Variants in NCAM2 observed in about 807,000 individuals in gnomAD.
NCAM2 encodes neural cell adhesion molecule 2, also known as N-CAM-2.
NCAM2 carries 30 observed loss-of-function variants against 98.1 expected under a neutral mutation model. The ratio of observed to expected loss-of-function variants is 0.31; its 90% CI spans 0.23 to 0.41. The LOEUF is 0.41. Ranked by LOEUF, NCAM2 falls within the 10% of genes least tolerant of loss-of-function variation. The pLI, the probability that NCAM2 is intolerant of heterozygous loss-of-function variation, is 1.00. For missense variants in NCAM2, 867 were observed against 1,005.8 expected (o/e 0.86, Z 1.87); for synonymous variants, 368 against 342.4 (o/e 1.07, Z -0.83).
rs576937382 is a variant in NCAM2 at position 21,494,969 on chromosome 21, T to G, written c.2078-13882T>G. Among the ~76,000 whole-genome samples the G allele has an allele frequency of 3.3e-5, 5 of 151,588 alleles. No individual in the cohort carries two copies. In the South Asian group the frequency reaches 8.3e-4, roughly 25 times the overall value. On this transcript the variant is annotated intron_variant, in intron 15 of 17. Transcript: ENST00000400546. ...TTTCTTATGTTAAAATCAGTTACTTTAAAGGATAACAAGAATTTGACAAGT... is the reference window on the plus strand; with the variant it reads ...TTTCTTATGTTAAAATCAGTTACTTGAAAGGATAACAAGAATTTGACAAGT...
chr21:21,188,793 G>A (rs751637323), intron 1 of NCAM2, among the ~76,000 whole-genome samples: 48 of 152,278 alleles, frequency 3.2e-4, no homozygotes, highest in Admixed American at 1.2e-3. Flanking sequence ...GACTGGTTCC[G>A]TCCATTTAAG....
chr21:21,260,935 A>T (rs2071872998), intron 1 of NCAM2, among the ~76,000 whole-genome samples: 1 of 151,424 alleles, frequency 6.6e-6, no homozygotes. Flanking sequence ...AAAAATACTC[A>T]ACCACCATCT....
intron 1 of NCAM2, among the ~76,000 whole-genome samples, chr21:21,100,471 A>G (rs914564193): frequency 6.6e-6 from 1 of 152,006 alleles, no homozygotes; most frequent in Admixed American, 6.6e-5. Flanking sequence ...TGGTTGCCCC[A>G]GAAAACATGA....
At chr21:21,198,685 G>A (rs1034362098) in intron 1 of NCAM2, among the ~76,000 whole-genome samples, 2 of 152,094 alleles carry the variant, frequency 1.3e-5, no homozygotes, top group African/African-American at 2.4e-5. Context: ...AACAGACATC[G>A]TGTGTTCTTT....
chr21:21,055,470 A>G (rs2065192317), intron 1 of NCAM2, among the ~76,000 whole-genome samples: 2 of 152,120 alleles, frequency 1.3e-5, no homozygotes, highest in Non-Finnish European at 2.9e-5. Context: ...ATGTATTAAT[A>G]GGAGACTTTT....
At chr21:21,496,940 C>G (rs1042330884) in intron 15 of NCAM2, among the ~76,000 whole-genome samples, 1 of 151,376 alleles carries the variant, frequency 6.6e-6, no homozygotes, top group African/African-American at 2.4e-5. Context: ...GTTTTCTGTT[C>G]TGTCTAAGAG....
rs376582483 is a variant in NCAM2 at position 21,369,806 on chromosome 21, C to G, written c.1045-4057C>G. Reference sequence around the variant, plus strand: ...CTCTTTCATATCTTACCCCTTCAACCTCATATTTAATTTGATAGTTCCAGT... The same window carrying G: ...CTCTTTCATATCTTACCCCTTCAACGTCATATTTAATTTGATAGTTCCAGT... On this transcript the variant is annotated intron_variant, in intron 8 of 17. Transcript: ENST00000400546. Among the ~76,000 whole-genome samples, 88 of 151,750 alleles carry G rather than the reference C, an allele frequency of 5.8e-4. 1 individual carries two copies. In the South Asian group the frequency reaches 0.018, roughly 30 times the overall value.
At chr21:21,052,150 ATTTTTTT>A (rs5842877) in intron 1 of NCAM2, among the ~76,000 whole-genome samples, 27 of 74,806 alleles carry the variant, frequency 3.6e-4, no homozygotes, top group Admixed American at 1.1e-3. Flanking sequence ...CATGATGGCC[ATTTTTTT>A]TTTTTTTTTT....
At chr21:21,396,774 G>A (rs375959591) in intron 9 of NCAM2, among the ~76,000 whole-genome samples, 3 of 152,170 alleles carry the variant, frequency 2.0e-5, no homozygotes, top group Non-Finnish European at 2.9e-5. Context: ...GTGCCCGAAA[G>A]CTCAGAGACT....
intron 1 of NCAM2, among the ~76,000 whole-genome samples, chr21:21,170,878 ACT>A (rs1201029453): frequency 1.3e-5 from 2 of 151,830 alleles, no homozygotes; most frequent in African/African-American, 4.8e-5. Flanking sequence ...CTATATGGGA[ACT>A]CTCTGCACTT....
chr21:21,262,738 G>A (rs9941854), intron 1 of NCAM2, among the ~76,000 whole-genome samples: 25,361 of 150,636 alleles, frequency 0.17, 3,947 homozygotes, highest in East Asian at 0.53. Flanking sequence ...CACACTGGTG[G>A]TAAATACATA....
At chr21:21,467,356 C>T (rs746940334) in intron 13 of NCAM2, among the ~76,000 whole-genome samples, 3 of 146,316 alleles carry the variant, frequency 2.1e-5, no homozygotes, top group Non-Finnish European at 3.0e-5. Flanking sequence ...AAAATCTATG[C>T]GTAACACTGC....
At chr21:21,211,412 A>G (rs1348585244) in intron 1 of NCAM2, among the ~76,000 whole-genome samples, 1 of 152,184 alleles carries the variant, frequency 6.6e-6, no homozygotes, top group Non-Finnish European at 1.5e-5. Flanking sequence ...CTCTAGTCCG[A>G]TTCAAATCTG....
chr21:21,154,375 A>G (rs1053369578), intron 1 of NCAM2, among the ~76,000 whole-genome samples: 2 of 151,882 alleles, frequency 1.3e-5, no homozygotes, highest in African/African-American at 4.8e-5. Flanking sequence ...AGGGAAATGG[A>G]ATATGGATAG....
At chr21:21,006,336 G>C (rs756067071) in intron 1 of NCAM2, among the ~76,000 whole-genome samples, 1 of 151,986 alleles carries the variant, frequency 6.6e-6, no homozygotes, top group African/African-American at 2.4e-5. Context: ...GCAAATCTCC[G>C]TCTTTACCAA....
At chr21:21,166,715 G>C (rs1234380710) in intron 1 of NCAM2, among the ~76,000 whole-genome samples, 1 of 152,158 alleles carries the variant, frequency 6.6e-6, no homozygotes, top group Non-Finnish European at 1.5e-5. Flanking sequence ...AGTTATTGCA[G>C]ATCATCATCA....
chr21:21,243,336 T>C (rs1379236762), intron 1 of NCAM2, among the ~76,000 whole-genome samples: 1 of 152,202 alleles, frequency 6.6e-6, no homozygotes, highest in Non-Finnish European at 1.5e-5. Context: ...AAAAAAGTCA[T>C]AAAATACTAT....
chr21:21,082,103 A>C (rs1331464413), intron 1 of NCAM2, among the ~76,000 whole-genome samples: 4 of 150,340 alleles, frequency 2.7e-5, no homozygotes, highest in South Asian at 2.1e-4. Context: ...TGGCAGGCGC[A>C]TGTAGTCCCA....
At chr21:21,147,261 C>T in intron 1 of NCAM2, 1 of 984,936 alleles carries the variant, frequency 1.0e-6, no homozygotes. Flanking sequence ...TGTAAATATT[C>T]AGAGATGTGT....
Sources: gnomAD v4.1 joint callset for allele counts (sites outside exome capture counted in the v4.1 genomes callset) on GRCh38, gnomAD v4.1.1 for gene constraint, MANE v1.5 for transcripts, NCBI Gene and HGNC (gene_info 2026-07-23, HGNC 2026-07-21) for gene names.